The following EPHB1 variants were observed in gnomAD, a reference collection of about 807,000 sequenced individuals.
The protein encoded by EPHB1 is EPH receptor B1, also known as ephrin type-B receptor 1.
A neutral mutation model predicts 94.4 loss-of-function variants in EPHB1; 30 were observed. The ratio of observed to expected loss-of-function variants is 0.32; its 90% CI spans 0.24 to 0.43. The LOEUF is 0.43. Ranked by LOEUF, EPHB1 falls within the 20% of genes least tolerant of loss-of-function variation. The probability of loss-of-function intolerance (pLI) is 1.00; values close to 1 mark genes in which losing one functional copy is unlikely to be tolerated. For missense variants in EPHB1, 1,055 were observed against 1,308.3 expected (o/e 0.81, Z 2.99); for synonymous variants, 522 against 489.1 (o/e 1.07, Z -0.89).
intron 3 of EPHB1, among the ~76,000 whole-genome samples, chr3:134,973,325 C>T (rs935456335): frequency 3.3e-5 from 5 of 151,616 alleles, no homozygotes; most frequent in African/African-American, 1.2e-4. Context: ...CAGCAAGTTT[C>T]TGGCTCAGCC....
chr3:135,236,831 G>A (rs1943666214), intron 12 of EPHB1, among the ~76,000 whole-genome samples: 1 of 152,222 alleles, frequency 6.6e-6, no homozygotes, highest in Non-Finnish European at 1.5e-5. Context: ...GCAATGCCCA[G>A]ACACATAGAA....
chr3:135,131,966 A>G (rs983341761), intron 4 of EPHB1, among the ~76,000 whole-genome samples: 4 of 152,146 alleles, frequency 2.6e-5, no homozygotes, highest in Admixed American at 6.5e-5. Context: ...TCCCCTTTCT[A>G]TTAAATTGAG....
chr3:134,892,236 G>C (rs1246263425), intron 1 of EPHB1, among the ~76,000 whole-genome samples: 1 of 152,188 alleles, frequency 6.6e-6, no homozygotes, highest in Non-Finnish European at 1.5e-5. Context: ...TCCTTGCCAG[G>C]GGTGTGGGCA....
chr3:134,863,795 G>A lies in EPHB1; in HGVS notation c.59-62021G>A, dbSNP rs138034010. Among the ~76,000 whole-genome samples, 3 of 152,330 alleles carry A rather than the reference G, an allele frequency of 2.0e-5. No homozygotes were observed. The East Asian group carries it at 5.8e-4, about 29-fold the overall frequency. On this transcript the variant is annotated intron_variant, in intron 1 of 15. Coordinates refer to ENST00000398015, the MANE Select transcript of EPHB1 (RefSeq NM_004441.5). The stretch of plus-strand genomic sequence containing the variant: ...GTTTCATATATAAAGTGGAGCTCAG[G>A]AAAGCCAGGCCTGCCGTGCTGGCAT...
At chr3:135,086,496 A>G (rs1016063519) in intron 3 of EPHB1, among the ~76,000 whole-genome samples, 2 of 151,662 alleles carry the variant, frequency 1.3e-5, no homozygotes, top group Admixed American at 6.6e-5. Flanking sequence ...GGTGATGGGT[A>G]TATGACAATG....
intron 3 of EPHB1, among the ~76,000 whole-genome samples, chr3:135,105,034 T>C (rs1004710107): frequency 3.9e-5 from 6 of 152,194 alleles, no homozygotes; most frequent in African/African-American, 1.4e-4. Context: ...AGTTTCCTCA[T>C]TAGCAAAATG....
At chr3:135,213,349 G>T (rs1330327860) in intron 12 of EPHB1, among the ~76,000 whole-genome samples, 1 of 152,226 alleles carries the variant, frequency 6.6e-6, no homozygotes, top group East Asian at 1.9e-4. Flanking sequence ...AGACAAATGA[G>T]CTAGGCTGGA....
intron 1 of EPHB1, among the ~76,000 whole-genome samples, chr3:134,925,547 G>A (rs1270257468): frequency 1.3e-5 from 2 of 152,206 alleles, no homozygotes; most frequent in Non-Finnish European, 2.9e-5. Context: ...CTACACAGGA[G>A]CCTTGGGGTC....
intron 1 of EPHB1, among the ~76,000 whole-genome samples, chr3:134,910,796 G>A (rs1180428300): frequency 3.3e-5 from 5 of 152,056 alleles, no homozygotes; most frequent in South Asian, 2.1e-4. Flanking sequence ...AGAGTGTGCC[G>A]TACTCTCATT....
intron 12 of EPHB1, among the ~76,000 whole-genome samples, chr3:135,209,386 T>A (rs1265704158): frequency 2.0e-5 from 3 of 152,196 alleles, no homozygotes. Context: ...GCCATCTGAA[T>A]CAAGTGATTA....
chr3:134,857,798 G>T (rs2037155662), intron 1 of EPHB1, among the ~76,000 whole-genome samples: 1 of 152,134 alleles, frequency 6.6e-6, no homozygotes, highest in Admixed American at 6.5e-5. Context: ...CTCTCTGTTG[G>T]ATAATGTGAA....
chr3:134,877,756 G>A (rs2037646108), intron 1 of EPHB1, among the ~76,000 whole-genome samples: 1 of 152,172 alleles, frequency 6.6e-6, no homozygotes, highest in African/African-American at 2.4e-5. Context: ...TGGGGGCTGT[G>A]TGTTACCTGC....
At chr3:135,114,181 G>A (rs184192895) in intron 4 of EPHB1, among the ~76,000 whole-genome samples, 6 of 152,244 alleles carry the variant, frequency 3.9e-5, no homozygotes, top group South Asian at 4.2e-4. Flanking sequence ...GCACTTTCAC[G>A]TACAGATCAT....
chr3:134,894,378 A>G (rs962016804), intron 1 of EPHB1, among the ~76,000 whole-genome samples: 2 of 152,130 alleles, frequency 1.3e-5, no homozygotes, highest in African/African-American at 2.4e-5. Flanking sequence ...TTGTAATCCT[A>G]TGACTTGAAC....
At chr3:135,176,138 A>G (rs1427692642) in intron 9 of EPHB1, among the ~76,000 whole-genome samples, 1 of 152,154 alleles carries the variant, frequency 6.6e-6, no homozygotes, top group South Asian at 2.1e-4. Context: ...AGGCGGATAC[A>G]GGGGAGCCCT....
intron 3 of EPHB1, among the ~76,000 whole-genome samples, chr3:135,060,145 C>A (rs1360996215): frequency 6.6e-6 from 1 of 152,200 alleles, no homozygotes; most frequent in Non-Finnish European, 1.5e-5. Flanking sequence ...TTTCTTCAAC[C>A]CCGAAAGAAA....
At chr3:134,855,832 C>T (rs1351807512) in intron 1 of EPHB1, among the ~76,000 whole-genome samples, 1 of 152,116 alleles carries the variant, frequency 6.6e-6, no homozygotes, top group Non-Finnish European at 1.5e-5. Flanking sequence ...TCAAATGGTG[C>T]CTGGCACTCA....
intron 2 of EPHB1, among the ~76,000 whole-genome samples, chr3:134,934,185 T>C (rs968072457): frequency 1.3e-5 from 2 of 152,222 alleles, no homozygotes; most frequent in Non-Finnish European, 1.5e-5. Flanking sequence ...AGCAGAGCTC[T>C]TCCCTGGCTA....
chr3:135,031,109 C>A (rs1936443652), intron 3 of EPHB1, among the ~76,000 whole-genome samples: 1 of 152,158 alleles, frequency 6.6e-6, no homozygotes, highest in Non-Finnish European at 1.5e-5. Flanking sequence ...ACCCACTGAC[C>A]TGCGCCCACT....
Sources: allele counts gnomAD v4.1 joint callset (sites outside exome capture counted in the v4.1 genomes callset), GRCh38; gene constraint gnomAD v4.1.1; transcripts MANE v1.5; gene names NCBI Gene and HGNC (gene_info 2026-07-23, HGNC 2026-07-21).